The following GRM4 variants were observed in gnomAD, a reference collection of about 807,000 sequenced individuals.
The protein encoded by GRM4 is metabotropic glutamate receptor 4.
In GRM4, 28 loss-of-function variants were observed where a neutral mutation model predicts 81.7. That is an observed-to-expected ratio of 0.34 (90% CI 0.25 to 0.47). The LOEUF (loss-of-function observed/expected upper bound fraction) is 0.47. Among genes scored for constraint, GRM4 ranks in the 20% least tolerant of loss-of-function variants. The pLI is 1.00. For synonymous variants in GRM4, 488 were observed against 528.8 expected (o/e 0.92, Z 1.06); for missense variants, 948 against 1,290.0 (o/e 0.73, Z 4.06).
chr6:34,077,887 G>A (rs905252740), intron 3 of GRM4, among the ~76,000 whole-genome samples: 8 of 152,062 alleles, frequency 5.3e-5, no homozygotes, highest in South Asian at 2.1e-4. Context: ...ACTGCACTTC[G>A]CACAGTGAAT....
intron 9 of GRM4, among the ~76,000 whole-genome samples, chr6:34,031,929 C>T (rs2127439316): frequency 6.6e-6 from 1 of 152,194 alleles, no homozygotes; most frequent in African/African-American, 2.4e-5. Flanking sequence ...CACAGCTGCA[C>T]ATTTGCATCT....
chr6:34,146,440 C>A (rs931367655), upstream of GRM4, among the ~76,000 whole-genome samples: 2 of 152,224 alleles, frequency 1.3e-5, no homozygotes, highest in African/African-American at 4.8e-5. Context: ...CGGGAAGAAT[C>A]CCTTAGCCAA....
At chr6:34,146,635 G>A (rs947053978), upstream of GRM4, among the ~76,000 whole-genome samples, 8 of 152,196 alleles carry the variant, frequency 5.3e-5, no homozygotes, top group African/African-American at 1.9e-4. Context: ...TTGTCCTGGG[G>A]AGGGAGCACA....
rs1162590977 is a variant in GRM4 at position 34,048,435 on chromosome 6, T to G, written c.1169-7687A>C. On this transcript the variant is annotated intron_variant, in intron 6 of 10. Transcript: ENST00000538487. This position sits in a 1 kb window ranked among gnomAD's most constrained non-coding sequence, Gnocchi z 4.0. ...CTCGGCTGAGGAGCTGGGGCTCAGCTCTCCCACACAGGAGGGGCTGGGGCT... is the reference window on the plus strand; with the variant it reads ...CTCGGCTGAGGAGCTGGGGCTCAGCGCTCCCACACAGGAGGGGCTGGGGCT... 6.7e-6 allele frequency among the ~76,000 whole-genome samples: 1 copy of G among 148,702 alleles called. No homozygotes were observed.
intron 2 of GRM4, among the ~76,000 whole-genome samples, chr6:34,122,890 A>T: frequency 6.6e-6 from 1 of 152,216 alleles, no homozygotes; most frequent in African/African-American, 2.4e-5. Flanking sequence ...TGGGAAGGTC[A>T]GTTAAGTCCT....
intron 1 of GRM4, among the ~76,000 whole-genome samples, chr6:34,134,774 A>G (rs1770386877): frequency 1.3e-5 from 2 of 151,404 alleles, no homozygotes; most frequent in South Asian, 4.2e-4. Context: ...TTATGGCCTG[A>G]GCTACTGGCA....
At chr6:34,143,782 G>T (rs1770802687) in intron 1 of GRM4, among the ~76,000 whole-genome samples, 1 of 152,172 alleles carries the variant, frequency 6.6e-6, no homozygotes. Context: ...GCTGCAGAAT[G>T]GCAGGGTGTG....
intron 8 of GRM4, among the ~76,000 whole-genome samples, chr6:34,039,000 G>A (rs1434821437): frequency 6.6e-6 from 1 of 152,212 alleles, no homozygotes; most frequent in Admixed American, 6.5e-5. Flanking sequence ...CCGCTAGTGA[G>A]TTGCAGTCCC....
At chr6:34,102,088 A>G in intron 2 of GRM4, 1 of 1,535,582 alleles carries the variant, frequency 6.5e-7, no homozygotes, top group South Asian at 1.2e-5. Flanking sequence ...TGGCGCCATC[A>G]TGGGGAAATA....
chr6:34,039,581 G>T (rs1295783861), intron 8 of GRM4, among the ~76,000 whole-genome samples: 1 of 152,232 alleles, frequency 6.6e-6, no homozygotes, highest in African/African-American at 2.4e-5. Flanking sequence ...GAGGGCCAGA[G>T]AGGGAAAGTC....
In GRM4 at chr6:34,068,488, C is replaced by T. The variant is rs1006249373; in HGVS notation, c.737-6460G>A. ...GAGCCCCCACTGTGCCTGGGATGCT[C>T]TCCTTGCAGCACTTCCCCATCCTCC... On this transcript the variant is annotated intron_variant, in intron 3 of 10. Transcript: ENST00000538487. The surrounding 1 kb of genome is among the most constrained non-coding windows in gnomAD (Gnocchi z 4.2). Among the ~76,000 whole-genome samples, 3 of 152,122 alleles carry T rather than the reference C, an allele frequency of 2.0e-5. No individual in the cohort carries two copies. Among genetic ancestry groups the T allele is most frequent in the South Asian group, 2.1e-4 (1 of 4,826 alleles).
intron 2 of GRM4, among the ~76,000 whole-genome samples, chr6:34,106,841 C>T (rs755442398): frequency 1.3e-5 from 2 of 152,272 alleles, no homozygotes; most frequent in South Asian, 2.1e-4. Flanking sequence ...TTAATGACAA[C>T]TACAAACAGG....
At chr6:34,122,753 T>C (rs1446408553) in intron 2 of GRM4, among the ~76,000 whole-genome samples, 6 of 152,082 alleles carry the variant, frequency 3.9e-5, no homozygotes, top group African/African-American at 1.4e-4. Context: ...TCTGTCTGTC[T>C]GTCTGTCTCT....
intron 10 of GRM4, 104 bp downstream of exon 10, chr6:34,028,016 G>A: frequency 7.8e-7 from 1 of 1,279,522 alleles, no homozygotes; most frequent in African/African-American, 1.5e-5. Flanking sequence ...CCAGGATGGG[G>A]CATCGGGGCA....
rs746289707 is a variant in GRM4 at position 34,121,116 on chromosome 6, C to T, written c.519+11862G>A. Among the ~76,000 whole-genome samples, 4 of 152,084 alleles carry T rather than the reference C, an allele frequency of 2.6e-5. No individual in the cohort carries two copies. Among genetic ancestry groups the T allele is most frequent in the Non-Finnish European group, 2.9e-5 (2 of 68,016 alleles). ...TCATTTTCAATAAAGTAAAAGGCGG[C>T]GTGGTGAGAGCTGCACACACTCCAC... is the stretch of plus-strand genomic sequence containing the variant. On this transcript the variant is annotated intron_variant, in intron 2 of 10. Coordinates refer to ENST00000538487, the MANE Select transcript of GRM4 (RefSeq NM_000841.4). This position sits in a 1 kb window ranked among gnomAD's most constrained non-coding sequence, Gnocchi z 4.6.
At chr6:34,113,736 G>A (rs1769479481) in intron 2 of GRM4, among the ~76,000 whole-genome samples, 1 of 152,184 alleles carries the variant, frequency 6.6e-6, no homozygotes, top group Admixed American at 6.5e-5. Flanking sequence ...GGAGCAGGGT[G>A]CAGCTGAAGG....
chr6:34,053,788 G>A (rs1327070584), intron 6 of GRM4, among the ~76,000 whole-genome samples: 5 of 152,162 alleles, frequency 3.3e-5, no homozygotes, highest in African/African-American at 7.2e-5. Context: ...TAGGGTAACC[G>A]TATTTTTAAA....
intron 3 of GRM4, among the ~76,000 whole-genome samples, chr6:34,087,705 C>A (rs981956593): frequency 6.8e-6 from 1 of 146,572 alleles, no homozygotes; most frequent in South Asian, 2.2e-4. Context: ...CACAACCCCC[C>A]CCCCACACAC....
chr6:34,058,714 ACT>A (rs1766025434), intron 5 of GRM4, among the ~76,000 whole-genome samples: 1 of 151,910 alleles, frequency 6.6e-6, no homozygotes, highest in South Asian at 2.1e-4. Context: ...TCAGCAGCGG[ACT>A]CTCCACACAC....
Sources: gnomAD v4.1 joint callset for allele counts (sites outside exome capture counted in the v4.1 genomes callset) on GRCh38, gnomAD v4.1.1 for gene constraint, Gnocchi (gnomAD v3.1) non-coding constraint, MANE v1.5 for transcripts, NCBI Gene and HGNC (gene_info 2026-07-23, HGNC 2026-07-21) for gene names.